CNBD2: variants seen among roughly 807,000 people sequenced by gnomAD.
CNBD2 encodes cyclic nucleotide-binding domain-containing protein 2.
Under a neutral mutation model 63.7 loss-of-function variants are expected in CNBD2, and 64 were observed. That is an observed-to-expected ratio of 1.00 (90% CI 0.82 to 1.24). The LOEUF is 1.24. Among genes scored for constraint, CNBD2 ranks in the 50% most tolerant of loss-of-function variants. CNBD2 has a pLI of 0.00. For synonymous variants in CNBD2, 229 were observed against 255.4 expected (o/e 0.90, Z 0.99); for missense variants, 691 against 713.5 (o/e 0.97, Z 0.36).
chr20:35,959,377 G>A (rs1409987633), downstream of CNBD2: 1 of 152,160 alleles, frequency 6.6e-6, no homozygotes, highest in Non-Finnish European at 1.5e-5. Context: ...CCCAAGACTG[G>A]GTAATTTATA....
intron 10 of CNBD2, among the ~76,000 whole-genome samples, chr20:36,019,082 A>C (rs1240239882): frequency 6.6e-6 from 1 of 152,222 alleles, no homozygotes; most frequent in African/African-American, 2.4e-5. Flanking sequence ...CAGACAACAA[A>C]CAGATAACTA....
In CNBD2 at chr20:36,023,766, C is replaced by A; in HGVS notation, c.1434C>A (p.Phe478Leu). ...AGTTGTTAAAGCTCAATATTGCATT[C>A]CCCAGGTCAGTACTGGAAATGTGCG... ...IKKLLKLNIA[F>L]PSDEDMCQKF... Residue 478 changes from phenylalanine to leucine, a missense_variant, in exon 11 of 12, where the codon TTC (phenylalanine) becomes TTA (leucine). Coordinates refer to ENST00000373973, the MANE Select transcript of CNBD2 (RefSeq NM_001365709.1). The A allele has an allele frequency of 6.2e-7, 1 of 1,608,850 alleles. No homozygotes were observed. The highest frequency in any genetic ancestry group is 8.5e-7 in the Non-Finnish European group (1 of 1,177,552).
chr20:36,021,250 T>G (rs2057203432), intron 10 of CNBD2, among the ~76,000 whole-genome samples: 1 of 152,152 alleles, frequency 6.6e-6, no homozygotes, highest in African/African-American at 2.4e-5. Flanking sequence ...ATCCTGTCAT[T>G]TGCAGCAGCG....
rs1448327821 is a variant in CNBD2 at position 36,026,098 on chromosome 20, A to G, written c.1439+2327A>G. ...ATCCAGGCTGGCATGCTGTGGCTGA[A>G]TCTCAACTCACTGCAACCTCTGCCT... is the stretch of plus-strand genomic sequence containing the variant. On this transcript the variant is annotated intron_variant, in intron 11 of 11. Coordinates refer to ENST00000373973, the MANE Select transcript of CNBD2 (RefSeq NM_001365709.1). Among the ~76,000 whole-genome samples the G allele has an allele frequency of 2.0e-5, 3 of 152,012 alleles. No individual in the cohort carries two copies. The East Asian group carries it at 5.8e-4, about 29-fold the overall frequency.
intron 11 of CNBD2, among the ~76,000 whole-genome samples, chr20:36,029,210 C>A (rs1460023953): frequency 1.3e-5 from 2 of 152,160 alleles, no homozygotes; most frequent in African/African-American, 4.8e-5. Flanking sequence ...CATGCTTTCC[C>A]CCTCCTAGGT....
rs2057331781 is a variant in CNBD2 at position 36,030,501 on chromosome 20, G to T, written c.1584G>T (p.Lys528Asn). 3 of 1,614,038 alleles carry T rather than the reference G, an allele frequency of 1.9e-6. No individual in the cohort carries two copies. ...AGAAGAGAGAGATCTACAACCCTAA[G>T]TCTGTGGTCCTGGATTTGTGCAGCA... ...RPKKREIYNP[K>N]SVVLDLCSIN... is the part of the protein sequence containing the mutation. Residue 528 changes from lysine (K) to asparagine (N), a missense_variant, in exon 12 of 12, where the codon AAG becomes AAT. Lys to Asn is a moderately conservative substitution (Grantham distance 94). Coordinates refer to ENST00000373973, the MANE Select transcript of CNBD2 (RefSeq NM_001365709.1).
Position 36,030,562 on chromosome 20 carries a change from A to G in CNBD2, c.1645A>G (p.Met549Val), listed in dbSNP as rs747357966. 6 of 1,613,970 alleles carry G rather than the reference A, an allele frequency of 3.7e-6. No homozygotes were observed. Among genetic ancestry groups the G allele is most frequent in the East Asian group, 4.5e-5 (2 of 44,898 alleles). Residue 549 changes from methionine to valine, a missense_variant, in exon 12 of 12, where the codon ATG (methionine) becomes GTG (valine). By Grantham distance (21) the Met-to-Val change is conservative. Transcript: ENST00000373973. Reference sequence around the variant, plus strand: ...GACTAAACCTCGTTATCCTATTTTTATGGCACCCCAGAAATACCTCCCCCC... The same window carrying G: ...GACTAAACCTCGTTATCCTATTTTTGTGGCACCCCAGAAATACCTCCCCCC... ...KTTKPRYPIF[M>V]APQKYLPPLR...
chr20:35,958,586 A>G (rs867090600), downstream of CNBD2, among the ~76,000 whole-genome samples: 2 of 152,332 alleles, frequency 1.3e-5, no homozygotes, highest in Middle Eastern at 3.4e-3. Context: ...GGAAATTGAC[A>G]TTGGTACAAT....
chr20:36,027,004 A>T (rs1479140725), intron 11 of CNBD2, among the ~76,000 whole-genome samples: 1 of 152,254 alleles, frequency 6.6e-6, no homozygotes, highest in Non-Finnish European at 1.5e-5. Context: ...GTGATGGGCC[A>T]TACTCATTGC....
At chr20:35,970,927 A>C (rs1269502609) in intron 1 of CNBD2, among the ~76,000 whole-genome samples, 1 of 150,224 alleles carries the variant, frequency 6.7e-6, no homozygotes, top group Non-Finnish European at 1.5e-5. Context: ...ACTTTTATTT[A>C]GTTTTTGCAT....
chr20:35,955,923 G>A (rs992156362), downstream of CNBD2, among the ~76,000 whole-genome samples: 1 of 152,146 alleles, frequency 6.6e-6, no homozygotes, highest in African/African-American at 2.4e-5. Context: ...GTTTCACCGT[G>A]TTGGCCAGAC....
chr20:35,989,510 G>A (rs1568880964), intron 7 of CNBD2, among the ~76,000 whole-genome samples: 1 of 152,170 alleles, frequency 6.6e-6, no homozygotes, highest in Non-Finnish European at 1.5e-5. Flanking sequence ...GAGGCTTTAA[G>A]AAGGGCTTCC....
intron 11 of CNBD2, among the ~76,000 whole-genome samples, chr20:36,029,928 C>T (rs978479561): frequency 6.6e-6 from 1 of 152,200 alleles, no homozygotes; most frequent in African/African-American, 2.4e-5. Flanking sequence ...AGGCAGCCAC[C>T]AGTCTACCTC....
intron 8 of CNBD2, among the ~76,000 whole-genome samples, chr20:36,001,339 T>C (rs201511970): frequency 0.23 from 29,141 of 126,934 alleles, 4,383 homozygotes; most frequent in African/African-American, 0.43. Flanking sequence ...CCTCACCTCC[T>C]GGGCGGGGCG....
rs10636802 is a variant in CNBD2 at position 35,987,855 on chromosome 20, A to AATTTATTTATTT, written c.855+339_855+350dup. Among the ~76,000 whole-genome samples, 8 of 151,230 alleles carry AATTTATTTATTT rather than the reference A, an allele frequency of 5.3e-5. No homozygotes were observed. The East Asian group carries it at 5.9e-4, about 11-fold the overall frequency. On this transcript the variant is annotated intron_variant, in intron 7 of 11. Coordinates refer to ENST00000373973, the MANE Select transcript of CNBD2 (RefSeq NM_001365709.1). ...TCTTAGTGATGCCAGATCACTTTTA[A>AATTTATTTATTT]ATTTATTTATTTATTTATTTATTTA... is the stretch of plus-strand genomic sequence containing the variant.
intron 2 of CNBD2, among the ~76,000 whole-genome samples, chr20:35,960,722 C>A (rs926567772): frequency 1.6e-4 from 5 of 30,598 alleles, no homozygotes; most frequent in African/African-American, 3.0e-4. Flanking sequence ...CCTTCTCTTC[C>A]CTTCTCTTCC....
chr20:36,011,106 A>G, intron 9 of CNBD2, 31 bp from the exon 10 acceptor site: 1 of 1,491,564 alleles, frequency 6.7e-7, no homozygotes, highest in Non-Finnish European at 9.0e-7. Flanking sequence ...TGTGTTACAG[A>G]TGAGCTCTCT....
chr20:35,991,619 T>A lies in CNBD2; in HGVS notation c.856-3419T>A, dbSNP rs74430297. On this transcript the variant is annotated intron_variant, in intron 7 of 11. Transcript: ENST00000373973. ...AGATGGGGGGATGTGTGGTGAGGGA[T>A]AGAAATCCTTTACAATATTTTCTTT... is the stretch of plus-strand genomic sequence containing the variant. 8.2e-3 allele frequency among the ~76,000 whole-genome samples: 1,247 copies of A among 152,310 alleles called. 14 individuals are homozygous for A. Among genetic ancestry groups the A allele is most frequent in the African/African-American group, 0.029 (1,185 of 41,556 alleles).
In CNBD2 at chr20:36,018,218, T is replaced by C. The variant is rs181367647; in HGVS notation, c.1270-5384T>C. Reference sequence around the variant, plus strand: ...CCTGGGCAGGATGGAGGCACGAGGATGGAAAAGGCCTTGCTCAGTTTGGTA... The same window carrying C: ...CCTGGGCAGGATGGAGGCACGAGGACGGAAAAGGCCTTGCTCAGTTTGGTA... On this transcript the variant is annotated intron_variant, in intron 10 of 11. Transcript: ENST00000373973. Among the ~76,000 whole-genome samples, 295 of 152,154 alleles carry C rather than the reference T, an allele frequency of 1.9e-3. 7 individuals carry two copies. Among genetic ancestry groups the C allele is most frequent in the Admixed American group, 0.019 (283 of 15,272 alleles).
Sources: gnomAD v4.1 joint callset for allele counts (sites outside exome capture counted in the v4.1 genomes callset) on GRCh38, gnomAD v4.1.1 for gene constraint, MANE v1.5 for transcripts, NCBI Gene and HGNC (gene_info 2026-07-23, HGNC 2026-07-21) for gene names.